Variants in FAM120A observed in about 807,000 individuals in gnomAD.
FAM120A encodes the protein constitutive coactivator of PPAR-gamma-like protein 1.
FAM120A carries 15 observed loss-of-function variants against 109.7 expected under a neutral mutation model. The ratio of observed to expected loss-of-function variants is 0.14; its 90% confidence interval spans 0.09 to 0.21. The LOEUF is 0.21. FAM120A is among the 10% of genes least tolerant of loss of function. FAM120A has a pLI of 1.00. For synonymous variants in FAM120A, 493 were observed against 572.8 expected (o/e 0.86, Z 1.99); for missense variants, 899 against 1,439.3 (o/e 0.62, Z 6.07).
At chr9:93,551,327 T>C (rs1406996411) in intron 12 of FAM120A, among the ~76,000 whole-genome samples, 1 of 152,210 alleles carries the variant, frequency 6.6e-6, no homozygotes, top group Admixed American at 6.5e-5. Flanking sequence ...AATTTTTCAG[T>C]GTGGATATCT....
chr9:93,482,671 G>T (rs1183909044), intron 3 of FAM120A, among the ~76,000 whole-genome samples: 2 of 152,152 alleles, frequency 1.3e-5, no homozygotes, highest in Non-Finnish European at 2.9e-5. Context: ...CGATGGTAGG[G>T]CCGTCAGTCT....
intron 2 of FAM120A, among the ~76,000 whole-genome samples, chr9:93,472,342 T>G (rs942431326): frequency 2.6e-4 from 40 of 152,360 alleles, no homozygotes; most frequent in Non-Finnish European, 1.5e-4. Context: ...TTTGCTCTTT[T>G]GTCAGCTACC....
intron 1 of FAM120A, among the ~76,000 whole-genome samples, chr9:93,466,299 A>G (rs190404146): frequency 2.0e-5 from 3 of 152,158 alleles, no homozygotes; most frequent in East Asian, 1.9e-4. Flanking sequence ...TTATATCATT[A>G]TGGGCTCCTG....
chr9:93,554,870 A>C (rs1288997323), intron 12 of FAM120A, among the ~76,000 whole-genome samples: 1 of 152,162 alleles, frequency 6.6e-6, no homozygotes, highest in Non-Finnish European at 1.5e-5. Context: ...CCTGGGCTAG[A>C]AGCAGCGGAG....
At chr9:93,543,829 C>G (rs1861791479) in intron 11 of FAM120A, among the ~76,000 whole-genome samples, 1 of 151,882 alleles carries the variant, frequency 6.6e-6, no homozygotes, top group Admixed American at 6.6e-5. Flanking sequence ...GAAAATGTGC[C>G]ACTTCTTCCC....
intron 3 of FAM120A, among the ~76,000 whole-genome samples, chr9:93,484,874 C>T (rs1463297360): frequency 6.6e-6 from 1 of 152,216 alleles, no homozygotes; most frequent in African/African-American, 2.4e-5. Context: ...TGCGCCCGGC[C>T]TGCTGACTGT....
At chr9:93,495,781 A>G (rs1016350815) in intron 3 of FAM120A, among the ~76,000 whole-genome samples, 6 of 152,162 alleles carry the variant, frequency 3.9e-5, no homozygotes, top group Non-Finnish European at 7.3e-5. Context: ...GAAATTGGAC[A>G]ACATTCAAGT....
At chr9:93,561,591 C>T (rs139264348) in intron 16 of FAM120A, among the ~76,000 whole-genome samples, 4,541 of 152,110 alleles carry the variant, frequency 0.03, 109 homozygotes, top group African/African-American at 0.05. Flanking sequence ...GACAGGGTTT[C>T]GCCATGTTGC....
intron 13 of FAM120A, among the ~76,000 whole-genome samples, chr9:93,557,550 C>T (rs1296378088): frequency 5.3e-5 from 8 of 152,162 alleles, no homozygotes; most frequent in Admixed American, 2.6e-4. Flanking sequence ...AGAAGGCAAG[C>T]GTTGTCTTGT....
At chr9:93,499,507 C>T (rs982314184) in intron 5 of FAM120A, among the ~76,000 whole-genome samples, 1 of 152,068 alleles carries the variant, frequency 6.6e-6, no homozygotes, top group Non-Finnish European at 1.5e-5. Flanking sequence ...AGACTTGTCT[C>T]GAACTCCTAG....
At chr9:93,476,197 A>C in intron 2 of FAM120A, 59 bp from the exon 3 acceptor site, 1 of 1,198,344 alleles carries the variant, frequency 8.3e-7, no homozygotes, top group Non-Finnish European at 1.2e-6. Flanking sequence ...AGCACTTTTG[A>C]AAGTTTCCCT....
chr9:93,477,523 A>C (rs563354132), intron 3 of FAM120A, among the ~76,000 whole-genome samples: 14 of 152,348 alleles, frequency 9.2e-5, no homozygotes, highest in Middle Eastern at 6.8e-3. Flanking sequence ...GTGATCTGTC[A>C]TTCGGACTCT....
At chr9:93,544,260 C>G (rs1861805427) in intron 11 of FAM120A, among the ~76,000 whole-genome samples, 1 of 152,200 alleles carries the variant, frequency 6.6e-6, no homozygotes. Flanking sequence ...CTTTTTTGCC[C>G]TACAAGATGC....
intron 3 of FAM120A, among the ~76,000 whole-genome samples, chr9:93,484,505 C>T (rs563834812): frequency 1.2e-4 from 18 of 152,308 alleles, no homozygotes; most frequent in African/African-American, 4.3e-4. Context: ...CTTACGGTAT[C>T]TCTGGGAGAG....
intron 3 of FAM120A, 64 bp downstream of exon 3, chr9:93,476,402 A>T: frequency 8.9e-7 from 1 of 1,119,026 alleles, no homozygotes; most frequent in African/African-American, 1.5e-5. Context: ...CTATTACTTT[A>T]ATAACATGTT....
chr9:93,487,294 T>C (rs932883049), intron 3 of FAM120A, among the ~76,000 whole-genome samples: 2 of 152,134 alleles, frequency 1.3e-5, no homozygotes, highest in African/African-American at 4.8e-5. Context: ...CCCGAGCAGC[T>C]GGGACTACAG....
At chr9:93,512,387 C>G (rs1445727377) in intron 5 of FAM120A, among the ~76,000 whole-genome samples, 1 of 152,226 alleles carries the variant, frequency 6.6e-6, no homozygotes, top group East Asian at 1.9e-4. Flanking sequence ...CAAGATCATA[C>G]AGCCGAGGGA....
intron 17 of FAM120A, among the ~76,000 whole-genome samples, chr9:93,563,490 G>A (rs1387025226): frequency 6.6e-6 from 1 of 152,230 alleles, no homozygotes; most frequent in Non-Finnish European, 1.5e-5. Context: ...ACAACATGAT[G>A]TTTGTGCTGC....
intron 1 of FAM120A, chr9:93,453,417 C>A: frequency 5.1e-6 from 5 of 985,394 alleles, no homozygotes; most frequent in Non-Finnish European, 6.0e-6. Flanking sequence ...CATTGGTTTT[C>A]TTGAAAACAA....
Sources: gnomAD v4.1 joint callset for allele counts (sites outside exome capture counted in the v4.1 genomes callset) on GRCh38, gnomAD v4.1.1 for gene constraint, MANE v1.5 for transcripts, NCBI Gene and HGNC (gene_info 2026-07-23, HGNC 2026-07-21) for gene names.